Variants in ADARB2 observed in about 807,000 individuals in gnomAD.
The protein encoded by ADARB2 is adenosine deaminase RNA specific B2 (inactive), also known as inactive double-stranded RNA-specific editase B2.
A neutral mutation model predicts 62.2 loss-of-function variants in ADARB2; 25 were observed. The observed-to-expected ratio is 0.40, with a 90% CI of 0.29 to 0.56. ADARB2 has a LOEUF of 0.56. ADARB2 is among the 20% of genes least tolerant of loss of function. ADARB2 has a pLI of 0.43. For missense variants in ADARB2, 1,071 were observed against 1,077.4 expected (o/e 0.99, Z 0.08); for synonymous variants, 572 against 500.8 (o/e 1.14, Z -1.90).
intron 1 of ADARB2, among the ~76,000 whole-genome samples, chr10:1,521,747 A>T (rs956568492): frequency 7.2e-5 from 11 of 151,738 alleles, no homozygotes; most frequent in Admixed American, 4.6e-4. Context: ...GCTTAAATCT[A>T]TCTATAAGCT....
At chr10:1,472,300 C>T (rs1831333287) in intron 1 of ADARB2, among the ~76,000 whole-genome samples, 1 of 152,244 alleles carries the variant, frequency 6.6e-6, no homozygotes, top group Non-Finnish European at 1.5e-5. Flanking sequence ...ACAGGAGGAA[C>T]TGCCCAAGCA....
At chr10:1,268,233 T>A (rs78876748) in intron 4 of ADARB2, among the ~76,000 whole-genome samples, 2,398 of 152,210 alleles carry the variant, frequency 0.016, 19 homozygotes, top group Middle Eastern at 0.031. Flanking sequence ...GAAAAAAATT[T>A]GAAATGGTTA....
intron 3 of ADARB2, among the ~76,000 whole-genome samples, chr10:1,347,972 A>G (rs1832096284): frequency 6.6e-6 from 1 of 151,990 alleles, no homozygotes; most frequent in African/African-American, 2.4e-5. Flanking sequence ...ACAGACAGAG[A>G]CGGAGACAGA....
chr10:1,608,868 A>G (rs1383752128), intron 1 of ADARB2, among the ~76,000 whole-genome samples: 1 of 151,900 alleles, frequency 6.6e-6, no homozygotes, highest in Non-Finnish European at 1.5e-5. Flanking sequence ...GGGTAGGGAC[A>G]GCATTTCCCT....
At chr10:1,217,178 G>A in intron 6 of ADARB2, 59 bp from the exon 7 acceptor site, 1 of 1,467,392 alleles carries the variant, frequency 6.8e-7, no homozygotes. Flanking sequence ...GTTTTGGGAG[G>A]TGGGAGAAGA....
intron 1 of ADARB2, among the ~76,000 whole-genome samples, chr10:1,558,072 C>T (rs111967762): frequency 1.1e-4 from 16 of 152,308 alleles, no homozygotes; most frequent in African/African-American, 3.9e-4. Context: ...GCGTGGCTTC[C>T]ATGCTTTTCA....
At chr10:1,663,953 G>T (rs1834282123) in intron 1 of ADARB2, among the ~76,000 whole-genome samples, 1 of 152,136 alleles carries the variant, frequency 6.6e-6, no homozygotes, top group South Asian at 2.1e-4. Context: ...ATCATTCCCT[G>T]GTCTGAACGT....
chr10:1,224,465 T>C (rs1830726995), intron 6 of ADARB2, among the ~76,000 whole-genome samples: 1 of 152,080 alleles, frequency 6.6e-6, no homozygotes, highest in South Asian at 2.1e-4. Flanking sequence ...TGCCTTCTGC[T>C]AGCTTTTGAA....
At chr10:1,721,774 T>A (rs1835096224) in intron 1 of ADARB2, among the ~76,000 whole-genome samples, 1 of 152,194 alleles carries the variant, frequency 6.6e-6, no homozygotes, top group Non-Finnish European at 1.5e-5. Flanking sequence ...TGTGCTTTCA[T>A]CTACCCTCAG....
intron 3 of ADARB2, among the ~76,000 whole-genome samples, chr10:1,347,116 G>A (rs1362021661): frequency 6.6e-6 from 1 of 152,164 alleles, no homozygotes; most frequent in African/African-American, 2.4e-5. Flanking sequence ...CCCAGGACTG[G>A]CCCATTCCCT....
At chr10:1,460,999 G>C (rs1831168449) in intron 1 of ADARB2, among the ~76,000 whole-genome samples, 1 of 152,212 alleles carries the variant, frequency 6.6e-6, no homozygotes, top group Admixed American at 6.5e-5. Context: ...TACCGTGACA[G>C]GTTTTGTGGC....
chr10:1,656,780 G>A lies in ADARB2; in HGVS notation c.100+80271C>T, dbSNP rs1001544351. On this transcript the variant is annotated intron_variant, in intron 1 of 9. Coordinates refer to ENST00000381312, the MANE Select transcript of ADARB2 (RefSeq NM_018702.4). Reference sequence around the variant, plus strand: ...ATGGTAATTAATCTTTTTTTAATGTGCCTATTATATATGGGAAGGTTATCT... The same window carrying A: ...ATGGTAATTAATCTTTTTTTAATGTACCTATTATATATGGGAAGGTTATCT... Among the ~76,000 whole-genome samples, 4 of 151,914 alleles carry A rather than the reference G, an allele frequency of 2.6e-5. No individual in the cohort carries two copies. The East Asian group carries it at 5.8e-4, about 22-fold the overall frequency.
chr10:1,344,005 T>G (rs1473207842), intron 3 of ADARB2, among the ~76,000 whole-genome samples: 1 of 152,138 alleles, frequency 6.6e-6, no homozygotes, highest in Non-Finnish European at 1.5e-5. Flanking sequence ...AACCTGCACA[T>G]GTACCCTTGA....
chr10:1,185,734 C>T (rs764437227), intron 8 of ADARB2, among the ~76,000 whole-genome samples: 5 of 152,196 alleles, frequency 3.3e-5, no homozygotes, highest in East Asian at 1.9e-4. Flanking sequence ...TGCATGCCCA[C>T]GATGCTGGTC....
At chr10:1,297,058 C>T (rs1364581822) in intron 3 of ADARB2, among the ~76,000 whole-genome samples, 1 of 152,184 alleles carries the variant, frequency 6.6e-6, no homozygotes, top group African/African-American at 2.4e-5. Flanking sequence ...AAATAAGTAT[C>T]CTGGATTCAA....
chr10:1,621,012 A>G (rs1833697641), intron 1 of ADARB2, among the ~76,000 whole-genome samples: 1 of 152,216 alleles, frequency 6.6e-6, no homozygotes, highest in Admixed American at 6.5e-5. Context: ...ATCCTTAGTC[A>G]TGAGTGGCTG....
chr10:1,346,189 A>G (rs1832079113), intron 3 of ADARB2, among the ~76,000 whole-genome samples: 1 of 152,210 alleles, frequency 6.6e-6, no homozygotes, highest in Non-Finnish European at 1.5e-5. Context: ...AAAACCTTTA[A>G]TCGTGGTGCC....
At chr10:1,258,258 CA>C (rs1236435736) in intron 4 of ADARB2, among the ~76,000 whole-genome samples, 4 of 152,158 alleles carry the variant, frequency 2.6e-5, no homozygotes, top group Admixed American at 1.3e-4. Flanking sequence ...AACTAATGAG[CA>C]AAATAACCAG....
At chr10:1,478,235 A>T (rs1305173575) in intron 1 of ADARB2, among the ~76,000 whole-genome samples, 1 of 151,998 alleles carries the variant, frequency 6.6e-6, no homozygotes, top group Non-Finnish European at 1.5e-5. Flanking sequence ...TCTCAGTAAA[A>T]CTCTGAGCTG....
Sources: gnomAD v4.1 joint callset for allele counts (sites outside exome capture counted in the v4.1 genomes callset) on GRCh38, gnomAD v4.1.1 for gene constraint, MANE v1.5 for transcripts, NCBI Gene and HGNC (gene_info 2026-07-23, HGNC 2026-07-21) for gene names.